The following CCSER2 variants were observed in gnomAD, a reference collection of about 807,000 sequenced individuals.
CCSER2 encodes serine-rich coiled-coil domain-containing protein 2.
Under a neutral mutation model 92.3 loss-of-function variants are expected in CCSER2, and 46 were observed. The ratio of observed to expected loss-of-function variants is 0.50; its 90% CI spans 0.39 to 0.64. CCSER2 has a LOEUF of 0.64. CCSER2 is among the 30% of genes least tolerant of loss of function. CCSER2 has a pLI of 0.00. For synonymous variants in CCSER2, 433 were observed against 431.4 expected, an observed-to-expected ratio of 1.00 and a Z score of -0.04; for missense variants, 1,244 against 1,238.9, an observed-to-expected ratio of 1.00 and a Z score of -0.06.
At position 84,466,470 on chromosome 10, in the gene CCSER2, G is replaced by A. The variant is rs539576516; in HGVS notation, c.2148+2454G>A. Among the ~76,000 whole-genome samples the A allele has an allele frequency of 9.3e-5, 14 of 151,088 alleles. No homozygotes were observed. The South Asian group carries it at 2.9e-3, about 32-fold the overall frequency. Reference sequence around the variant, plus strand: ...TTTGTTCATCCAGTAAATATCTTATGCTTCCTGCCTTCTTGCTTTCTTTTT... The same window carrying A: ...TTTGTTCATCCAGTAAATATCTTATACTTCCTGCCTTCTTGCTTTCTTTTT... On this transcript the variant is annotated intron_variant, in intron 7 of 9. Coordinates refer to ENST00000372088, the MANE Select transcript of CCSER2 (RefSeq NM_001284240.2).
In CCSER2 at chr10:84,486,041, G is replaced by T. The variant is rs182466741; in HGVS notation, c.2325+8377G>T. 7.5e-3 allele frequency among the ~76,000 whole-genome samples: 1,148 copies of T among 152,210 alleles called. 6 individuals are homozygous for T. The highest frequency in any genetic ancestry group is 0.02 in the Middle Eastern group (6 of 294). ...AGTTTGCTGAGAATGATGGTTTCCA[G>T]CTTCATCCATGTCCCTACAAAGGAC... On this transcript the variant is annotated intron_variant, in intron 9 of 9. Coordinates refer to ENST00000372088, the MANE Select transcript of CCSER2 (RefSeq NM_001284240.2).
chr10:84,485,471 C>G lies in CCSER2; in HGVS notation c.2325+7807C>G, dbSNP rs150597187. 5.1e-4 allele frequency among the ~76,000 whole-genome samples: 78 copies of G among 152,276 alleles called. No homozygotes were observed. In the East Asian group the frequency reaches 0.011, roughly 22 times the overall value. On this transcript the variant is annotated intron_variant, in intron 9 of 9. Coordinates refer to ENST00000372088, the MANE Select transcript of CCSER2 (RefSeq NM_001284240.2). The stretch of plus-strand genomic sequence containing the variant: ...CAGATTTTTTATAAATAGTATCTTA[C>G]AGTGTTGAACTTTGGAGCTTGGCTT...
At chr10:84,332,125 A>G (rs1843590228) in intron 1 of CCSER2, among the ~76,000 whole-genome samples, 1 of 152,098 alleles carries the variant, frequency 6.6e-6, no homozygotes. Context: ...TTGGTTGACC[A>G]TTTCTATCAT....
At chr10:84,488,755 C>T (rs964885117) in intron 9 of CCSER2, among the ~76,000 whole-genome samples, 1 of 152,064 alleles carries the variant, frequency 6.6e-6, no homozygotes, top group African/African-American at 2.4e-5. Context: ...CTGCTCTGAT[C>T]TTAGTTATTT....
chr10:84,381,796 C>T (rs1564616565), intron 3 of CCSER2, among the ~76,000 whole-genome samples: 3 of 151,820 alleles, frequency 2.0e-5, no homozygotes, highest in South Asian at 2.1e-4. Flanking sequence ...AGTGTGGTGG[C>T]ACGTGCCTGT....
intron 9 of CCSER2, among the ~76,000 whole-genome samples, chr10:84,512,695 T>G (rs1224286129): frequency 2.0e-5 from 3 of 152,194 alleles, no homozygotes; most frequent in Non-Finnish European, 4.4e-5. Context: ...ACTTCACATT[T>G]GTTTTACTCT....
intron 5 of CCSER2, among the ~76,000 whole-genome samples, chr10:84,436,243 G>C (rs1273130417): frequency 7.0e-6 from 1 of 141,862 alleles, no homozygotes; most frequent in African/African-American, 2.6e-5. Context: ...GGAGAATGGC[G>C]TGAACCCGGG....
Position 84,469,451 on chromosome 10 carries a change from T to C in CCSER2, c.2149-921T>C, listed in dbSNP as rs2133701992. The stretch of plus-strand genomic sequence containing the variant: ...GTGATATGTTCAAGGCTTTGTAAAA[T>C]GTCTATTTCTGATCTCTTTGTTAAA... On this transcript the variant is annotated intron_variant, in intron 7 of 9. Coordinates refer to ENST00000372088, the MANE Select transcript of CCSER2 (RefSeq NM_001284240.2). Among the ~76,000 whole-genome samples the C allele has an allele frequency of 3.3e-5, 5 of 152,238 alleles. No homozygotes were observed. The South Asian group carries it at 1.0e-3, about 32-fold the overall frequency.
chr10:84,475,525 A>C (rs906789779), intron 8 of CCSER2, among the ~76,000 whole-genome samples: 2 of 152,170 alleles, frequency 1.3e-5, no homozygotes, highest in African/African-American at 4.8e-5. Flanking sequence ...CAAAAGTGAT[A>C]CTCATTCAGT....
intron 4 of CCSER2, among the ~76,000 whole-genome samples, chr10:84,423,982 TAAAAAAAAAA>T (rs3044102): frequency 9.2e-6 from 1 of 108,178 alleles, no homozygotes; most frequent in South Asian, 3.4e-4. Context: ...CCCCATCTCT[TAAAAAAAAAA>T]AAAAAAAAAA....
In CCSER2 at chr10:84,458,502, A is replaced by G. The variant is rs926543233; in HGVS notation, c.2065-5431A>G. On this transcript the variant is annotated intron_variant, in intron 6 of 9. Transcript: ENST00000372088. The stretch of plus-strand genomic sequence containing the variant: ...TTTCTCTTTTCAGAATTGTTTGACT[A>G]TTTTAGTTCTTTTGCCTTTTCATGT... 7.2e-5 allele frequency among the ~76,000 whole-genome samples: 11 copies of G among 152,186 alleles called. No individual in the cohort carries two copies. In the South Asian group the frequency reaches 1.2e-3, roughly 17 times the overall value.
chr10:84,427,794 A>G (rs575628039), intron 5 of CCSER2, among the ~76,000 whole-genome samples: 5 of 152,090 alleles, frequency 3.3e-5, no homozygotes, highest in Non-Finnish European at 7.4e-5. Flanking sequence ...CTCTTCACCT[A>G]CATTCTCCTA....
chr10:84,508,967 G>C (rs1438269999), intron 9 of CCSER2, among the ~76,000 whole-genome samples: 1 of 152,148 alleles, frequency 6.6e-6, no homozygotes, highest in Non-Finnish European at 1.5e-5. Flanking sequence ...CTGAATGCTT[G>C]TTAAGATACT....
chr10:84,333,456 C>T (rs1342871826), intron 1 of CCSER2, among the ~76,000 whole-genome samples: 1 of 152,142 alleles, frequency 6.6e-6, no homozygotes, highest in African/African-American at 2.4e-5. Flanking sequence ...AGGTAGTAAG[C>T]ATTGGAACTG....
intron 3 of CCSER2, among the ~76,000 whole-genome samples, chr10:84,400,066 A>G (rs900744831): frequency 6.6e-6 from 1 of 151,972 alleles, no homozygotes; most frequent in East Asian, 1.9e-4. Context: ...TCTTTTGCCC[A>G]TTTAACTGGG....
intron 9 of CCSER2, among the ~76,000 whole-genome samples, chr10:84,491,946 T>C (rs1848195339): frequency 6.6e-6 from 1 of 152,130 alleles, no homozygotes; most frequent in South Asian, 2.1e-4. Flanking sequence ...GTTCGTTAAA[T>C]TTCACTTTCC....
intron 3 of CCSER2, among the ~76,000 whole-genome samples, chr10:84,400,941 G>A (rs1436070079): frequency 6.6e-6 from 1 of 151,888 alleles, no homozygotes; most frequent in African/African-American, 2.4e-5. Flanking sequence ...GCCATCTGTA[G>A]CCGGGTGCCA....
intron 9 of CCSER2, chr10:84,500,154 C>CTTATG (rs1169510696): frequency 5.6e-5 from 14 of 249,774 alleles, no homozygotes; most frequent in Non-Finnish European, 2.5e-5. Flanking sequence ...CTACTTAGAG[C>CTTATG]CTTATGGAAG....
intron 7 of CCSER2, among the ~76,000 whole-genome samples, chr10:84,469,389 C>A (rs2133701644): frequency 6.6e-6 from 1 of 152,074 alleles, no homozygotes; most frequent in South Asian, 2.1e-4. Context: ...TACATAATAG[C>A]ATTTTAAAAA....
Sources: gnomAD v4.1 joint callset for allele counts (sites outside exome capture counted in the v4.1 genomes callset) on GRCh38, gnomAD v4.1.1 for gene constraint, MANE v1.5 for transcripts, NCBI Gene and HGNC (gene_info 2026-07-23, HGNC 2026-07-21) for gene names.